Variants in PRKCE observed in about 807,000 individuals in gnomAD.
The protein encoded by PRKCE is protein kinase C epsilon type.
In PRKCE, 16 loss-of-function variants were observed where a neutral mutation model predicts 85.4. The ratio of observed to expected loss-of-function variants is 0.19; its 90% CI spans 0.13 to 0.28. The LOEUF (loss-of-function observed/expected upper bound fraction) is 0.28, where lower values mean the gene tolerates loss of function less well. Ranked by LOEUF, PRKCE falls within the 10% of genes least tolerant of loss-of-function variation. The pLI is 1.00. For missense variants in PRKCE, 573 were observed against 975.2 expected, an observed-to-expected ratio of 0.59 and a Z score of 5.49; for synonymous variants, 388 against 371.5, an observed-to-expected ratio of 1.04 and a Z score of -0.51.
intron 1 of PRKCE, among the ~76,000 whole-genome samples, chr2:45,653,370 G>GTTGTTTT (rs1675220861): frequency 3.3e-5 from 2 of 61,464 alleles, no homozygotes. Context: ...TTTTTGGGTT[G>GTTGTTTT]TTTTTTTTTT....
At chr2:45,745,981 G>C (rs1189916301) in intron 1 of PRKCE, among the ~76,000 whole-genome samples, 1 of 151,726 alleles carries the variant, frequency 6.6e-6, no homozygotes. Flanking sequence ...TTCTTTTTTT[G>C]TAAATTAGCT....
intron 1 of PRKCE, among the ~76,000 whole-genome samples, chr2:45,802,568 C>A (rs1018341954): frequency 4.6e-5 from 7 of 152,158 alleles, no homozygotes; most frequent in African/African-American, 1.7e-4. Flanking sequence ...CTGGTGTAAT[C>A]TTCACAACAA....
At chr2:45,665,727 A>G (rs1016250378) in intron 1 of PRKCE, among the ~76,000 whole-genome samples, 8 of 152,160 alleles carry the variant, frequency 5.3e-5, no homozygotes, top group African/African-American at 1.7e-4. Flanking sequence ...TGTCCTAGGT[A>G]TTGCATGGGA....
chr2:45,768,521 A>G (rs1685079978), intron 1 of PRKCE, among the ~76,000 whole-genome samples: 1 of 152,046 alleles, frequency 6.6e-6, no homozygotes, highest in Non-Finnish European at 1.5e-5. Flanking sequence ...TAAGTCTCTG[A>G]TAGTTGGCCA....
chr2:46,019,491 A>G (rs1706457018), intron 10 of PRKCE, among the ~76,000 whole-genome samples: 1 of 152,188 alleles, frequency 6.6e-6, no homozygotes, highest in Non-Finnish European at 1.5e-5. Context: ...ATTTTTCTTC[A>G]TCTTTCTTAA....
chr2:46,161,235 A>G (rs1054569018), intron 14 of PRKCE, among the ~76,000 whole-genome samples: 8 of 152,248 alleles, frequency 5.3e-5, no homozygotes, highest in Middle Eastern at 3.2e-3. Context: ...CCTTTAAGGA[A>G]AGGATTAACT....
rs982586626 is a variant in PRKCE at position 45,971,294 on chromosome 2, A to T, written c.413-5135A>T. Among the ~76,000 whole-genome samples the T allele has an allele frequency of 8.5e-5, 13 of 152,278 alleles. No homozygotes were observed. The East Asian group carries it at 2.5e-3, about 29-fold the overall frequency. ...ATTTGTCCTGCCATTGGCTTGTTTC[A>T]CTTAGCCAATATCCTCCCATGCATG... On this transcript the variant is annotated intron_variant, in intron 2 of 14. Coordinates refer to ENST00000306156, the MANE Select transcript of PRKCE (RefSeq NM_005400.3).
chr2:45,815,420 C>G (rs1359701803), intron 1 of PRKCE, among the ~76,000 whole-genome samples: 1 of 152,154 alleles, frequency 6.6e-6, no homozygotes, highest in Non-Finnish European at 1.5e-5. Flanking sequence ...CCAGCCTACG[C>G]CATTCTCTCC....
intron 1 of PRKCE, among the ~76,000 whole-genome samples, chr2:45,770,105 C>T (rs374208204): frequency 6.6e-6 from 1 of 152,226 alleles, no homozygotes; most frequent in Non-Finnish European, 1.5e-5. Context: ...TTTATCCCCT[C>T]TCTTGGGTGG....
chr2:46,070,642 C>CAA lies in PRKCE; in HGVS notation c.1438-15557_1438-15556dup, dbSNP rs5830886. Among the ~76,000 whole-genome samples, 1,196 of 147,776 alleles carry CAA rather than the reference C, an allele frequency of 8.1e-3. 5 individuals are homozygous for CAA. The highest frequency in any genetic ancestry group is 0.011 in the Non-Finnish European group (732 of 66,920). On this transcript the variant is annotated intron_variant, in intron 10 of 14. Coordinates refer to ENST00000306156, the MANE Select transcript of PRKCE (RefSeq NM_005400.3). ...TTAGCGACAGAGCAAGACTCCGTCT[C>CAA]AAAAAAAAAACAAAAACAAAAACAA...
intron 1 of PRKCE, among the ~76,000 whole-genome samples, chr2:45,829,845 G>A (rs1033226803): frequency 4.6e-5 from 7 of 152,002 alleles, no homozygotes; most frequent in East Asian, 1.9e-4. Context: ...AGGCCGAGGC[G>A]GGCGGATCAC....
chr2:45,887,773 AC>A (rs947873609), intron 2 of PRKCE, among the ~76,000 whole-genome samples: 8 of 152,226 alleles, frequency 5.3e-5, no homozygotes, highest in African/African-American at 1.7e-4. Context: ...TCATAGAAGA[AC>A]CAGGTGCCTC....
At chr2:46,112,020 C>T (rs1672304733) in intron 11 of PRKCE, among the ~76,000 whole-genome samples, 1 of 152,186 alleles carries the variant, frequency 6.6e-6, no homozygotes, top group Non-Finnish European at 1.5e-5. Context: ...CATCACATCC[C>T]ACAGTGGTTT....
chr2:45,763,740 C>T (rs750652070), intron 1 of PRKCE, among the ~76,000 whole-genome samples: 4 of 152,052 alleles, frequency 2.6e-5, no homozygotes, highest in African/African-American at 4.8e-5. Context: ...CCCAAGGGAT[C>T]ATGTAGTTTA....
chr2:45,964,089 A>G (rs1015724091), intron 2 of PRKCE, among the ~76,000 whole-genome samples: 1 of 152,226 alleles, frequency 6.6e-6, no homozygotes, highest in African/African-American at 2.4e-5. Context: ...GGGTTTTTCA[A>G]TAAATAACCC....
At chr2:45,992,547 C>T (rs778025631) in intron 6 of PRKCE, among the ~76,000 whole-genome samples, 4 of 152,204 alleles carry the variant, frequency 2.6e-5, no homozygotes, top group Non-Finnish European at 4.4e-5. Context: ...CAAATATTTG[C>T]TCTCTGTCTC....
intron 10 of PRKCE, among the ~76,000 whole-genome samples, chr2:46,076,989 G>T (rs996189099): frequency 6.6e-6 from 1 of 152,128 alleles, no homozygotes; most frequent in African/African-American, 2.4e-5. Flanking sequence ...TCCAGAGGCT[G>T]GTGGAGGGGG....
chr2:45,679,284 T>C (rs1377004155), intron 1 of PRKCE, among the ~76,000 whole-genome samples: 1 of 152,208 alleles, frequency 6.6e-6, no homozygotes, highest in Non-Finnish European at 1.5e-5. Context: ...ATACACAGTA[T>C]TGGAAGCCTA....
At chr2:45,798,859 T>C (rs1687639077) in intron 1 of PRKCE, among the ~76,000 whole-genome samples, 1 of 151,998 alleles carries the variant, frequency 6.6e-6, no homozygotes, top group Admixed American at 6.6e-5. Flanking sequence ...ATAATTGGTG[T>C]TTTCTGTTTT....
Sources: gnomAD v4.1 joint callset for allele counts (sites outside exome capture counted in the v4.1 genomes callset) on GRCh38, gnomAD v4.1.1 for gene constraint, MANE v1.5 for transcripts, NCBI Gene and HGNC (gene_info 2026-07-23, HGNC 2026-07-21) for gene names.